Variants in LRP1B observed in about 807,000 individuals in gnomAD.
LRP1B encodes LDL receptor related protein 1B.
In LRP1B, 217 loss-of-function variants were observed where a neutral mutation model predicts 556.6. The observed-to-expected ratio is 0.39, with a 90% CI of 0.35 to 0.44. The LOEUF (loss-of-function observed/expected upper bound fraction) is 0.44, where lower values mean the gene tolerates loss of function less well. LRP1B is among the 20% of genes least tolerant of loss of function. The pLI is 1.00. For synonymous variants in LRP1B, 2,047 were observed against 1,865.8 expected, an observed-to-expected ratio of 1.10 and a Z score of -2.50; for missense variants, 5,053 against 5,620.8, an observed-to-expected ratio of 0.90 and a Z score of 3.23.
chr2:140,644,401 CTTT>C (rs34828807), intron 41 of LRP1B, among the ~76,000 whole-genome samples: 2 of 132,844 alleles, frequency 1.5e-5, no homozygotes. Flanking sequence ...TTTCTTTTTT[CTTT>C]TTTTTTTTTT....
chr2:142,032,270 G>T (rs1703737227), intron 1 of LRP1B, among the ~76,000 whole-genome samples: 1 of 151,718 alleles, frequency 6.6e-6, no homozygotes, highest in Non-Finnish European at 1.5e-5. Context: ...GAGTGTATGT[G>T]TTAATCCCTC....
chr2:140,271,955 A>G (rs1417624514), intron 85 of LRP1B, among the ~76,000 whole-genome samples: 1 of 151,882 alleles, frequency 6.6e-6, no homozygotes, highest in Non-Finnish European at 1.5e-5. Flanking sequence ...AAATTAGCTC[A>G]TTATACATTA....
At chr2:141,274,633 T>C (rs1233513596) in intron 3 of LRP1B, among the ~76,000 whole-genome samples, 1 of 152,178 alleles carries the variant, frequency 6.6e-6, no homozygotes, top group Non-Finnish European at 1.5e-5. Context: ...ATTGCAGTGA[T>C]GGTTGCACAA....
intron 6 of LRP1B, among the ~76,000 whole-genome samples, chr2:141,191,135 T>C (rs1681485426): frequency 6.6e-6 from 1 of 151,978 alleles, no homozygotes; most frequent in Admixed American, 6.6e-5. Flanking sequence ...CATAACTTTC[T>C]ACTCTTCATC....
At chr2:140,460,640 A>G (rs1017826368) in intron 60 of LRP1B, among the ~76,000 whole-genome samples, 5 of 152,204 alleles carry the variant, frequency 3.3e-5, no homozygotes, top group African/African-American at 1.2e-4. Context: ...ACAGGTATTC[A>G]GTAGACACAC....
At chr2:140,485,962 C>G (rs1026104490) in intron 58 of LRP1B, among the ~76,000 whole-genome samples, 1 of 151,288 alleles carries the variant, frequency 6.6e-6, no homozygotes, top group African/African-American at 2.4e-5. Context: ...CTGCTCTTGA[C>G]CTATTTAGTT....
Position 140,541,754 on chromosome 2 carries a change from A to G in LRP1B, c.7387+25T>C, listed in dbSNP as rs371187474. 3.4e-5 allele frequency: 53 copies of G among 1,554,020 alleles called. 1 individual carries two copies. In the African/African-American group the frequency reaches 6.5e-4, roughly 19 times the overall value. On this transcript the variant is annotated intron_variant, in intron 44 of 90. Transcript: ENST00000389484. Reference sequence around the variant, plus strand: ...ATCAGAGATTATACAATGAAAAAACACATTTGCTTTCTATTATAACTTACA... The same window carrying G: ...ATCAGAGATTATACAATGAAAAAACGCATTTGCTTTCTATTATAACTTACA...
At chr2:141,399,225 C>T (rs577729103) in intron 3 of LRP1B, among the ~76,000 whole-genome samples, 3 of 151,586 alleles carry the variant, frequency 2.0e-5, no homozygotes, top group Non-Finnish European at 4.4e-5. Context: ...CACCGTGCTC[C>T]GGCCTGGGAG....
At chr2:140,869,407 G>A (rs1326591831) in intron 25 of LRP1B, among the ~76,000 whole-genome samples, 2 of 151,694 alleles carry the variant, frequency 1.3e-5, no homozygotes, top group Non-Finnish European at 2.9e-5. Context: ...CCAAATTAGG[G>A]GAATAAAAAA....
chr2:141,810,258 C>G (rs2105707039), intron 2 of LRP1B, 21 bp downstream of exon 2: 1 of 1,611,774 alleles, frequency 6.2e-7, no homozygotes, highest in Non-Finnish European at 8.5e-7. Flanking sequence ...ATCCGAATGG[C>G]ATGAGAACCT....
chr2:140,508,057 A>G (rs1269426634), intron 52 of LRP1B, among the ~76,000 whole-genome samples: 1 of 152,164 alleles, frequency 6.6e-6, no homozygotes, highest in Non-Finnish European at 1.5e-5. Flanking sequence ...AGATTCCTCA[A>G]AACAGTTCAC....
At chr2:141,513,774 G>A (rs1489135997) in intron 2 of LRP1B, among the ~76,000 whole-genome samples, 1 of 151,944 alleles carries the variant, frequency 6.6e-6, no homozygotes, top group Non-Finnish European at 1.5e-5. Context: ...TCCAGATAGG[G>A]CCTTTCAGGG....
Position 140,307,367 on chromosome 2 carries a change from A to G in LRP1B, c.12805+7568T>C, listed in dbSNP as rs368288924. On this transcript the variant is annotated intron_variant, in intron 83 of 90. Transcript: ENST00000389484. Reference sequence around the variant, plus strand: ...TATTAGTAGAAATATTGGCATTATTACTACTATTAATATTACTATTGTTAA... The same window carrying G: ...TATTAGTAGAAATATTGGCATTATTGCTACTATTAATATTACTATTGTTAA... Among the ~76,000 whole-genome samples the G allele has an allele frequency of 9.9e-5, 15 of 152,030 alleles. No individual in the cohort carries two copies. In the East Asian group the frequency reaches 2.3e-3, roughly 24 times the overall value.
intron 5 of LRP1B, among the ~76,000 whole-genome samples, chr2:141,238,793 T>A (rs1321376198): frequency 1.3e-5 from 2 of 152,118 alleles, no homozygotes; most frequent in Admixed American, 1.3e-4. Context: ...GAATCCAATG[T>A]TTTGGCTTAA....
intron 2 of LRP1B, among the ~76,000 whole-genome samples, chr2:141,635,947 G>C (rs1218322888): frequency 6.6e-6 from 1 of 152,100 alleles, no homozygotes; most frequent in Non-Finnish European, 1.5e-5. Context: ...AGAAGCCAAA[G>C]CTGACTTTGT....
intron 7 of LRP1B, among the ~76,000 whole-genome samples, chr2:141,112,814 A>G (rs1418616153): frequency 6.6e-6 from 1 of 152,210 alleles, no homozygotes; most frequent in Non-Finnish European, 1.5e-5. Flanking sequence ...GTATTTGAAA[A>G]AGGCAAATTG....
At chr2:140,470,501 C>T (rs553173062) in intron 60 of LRP1B, among the ~76,000 whole-genome samples, 5 of 151,620 alleles carry the variant, frequency 3.3e-5, no homozygotes, top group East Asian at 2.0e-4. Flanking sequence ...AAAAATTAGC[C>T]GGGTGTGGTG....
At chr2:141,803,169 G>A (rs1473943300) in intron 2 of LRP1B, among the ~76,000 whole-genome samples, 1 of 151,018 alleles carries the variant, frequency 6.6e-6, no homozygotes, top group Non-Finnish European at 1.5e-5. Context: ...TGCTGAGCTC[G>A]TATGCCTGTG....
At chr2:140,400,975 C>G (rs1488708761) in intron 66 of LRP1B, among the ~76,000 whole-genome samples, 1 of 152,120 alleles carries the variant, frequency 6.6e-6, no homozygotes, top group Non-Finnish European at 1.5e-5. Context: ...GCGGTATTTC[C>G]AGTCTCAGTG....
Sources: gnomAD v4.1 joint callset for allele counts (sites outside exome capture counted in the v4.1 genomes callset) on GRCh38, gnomAD v4.1.1 for gene constraint, MANE v1.5 for transcripts, NCBI Gene and HGNC (gene_info 2026-07-23, HGNC 2026-07-21) for gene names.